Variants in FAM47E observed in about 807,000 individuals in gnomAD.
FAM47E encodes the protein family with sequence similarity 47 member E.
FAM47E carries 32 observed loss-of-function variants against 41.6 expected under a neutral mutation model. The ratio of observed to expected loss-of-function variants is 0.77; its 90% CI spans 0.58 to 1.03. The LOEUF (loss-of-function observed/expected upper bound fraction) is 1.03, where lower values mean the gene tolerates loss of function less well. Ranked by LOEUF, FAM47E falls within the 50% of genes least tolerant of loss-of-function variation. The pLI is 0.00. For missense variants in FAM47E, 424 were observed against 485.4 expected, an observed-to-expected ratio of 0.87 and a Z score of 1.19; for synonymous variants, 184 against 188.7, an observed-to-expected ratio of 0.98 and a Z score of 0.20.
intron 2 of FAM47E, among the ~76,000 whole-genome samples, chr4:76,223,235 TA>T (rs1733340181): frequency 6.6e-6 from 1 of 152,184 alleles, no homozygotes; most frequent in African/African-American, 2.4e-5. Context: ...GCAAGTGGCT[TA>T]ACCAAGTGTT....
intron 2 of FAM47E, among the ~76,000 whole-genome samples, chr4:76,219,233 G>C (rs1331720860): frequency 3.3e-5 from 5 of 152,252 alleles, no homozygotes; most frequent in African/African-American, 1.2e-4. Flanking sequence ...GTTGGAATTA[G>C]TGTGTGTGGG....
chr4:76,233,183 C>T (rs999665539), intron 2 of FAM47E, among the ~76,000 whole-genome samples: 1 of 152,148 alleles, frequency 6.6e-6, no homozygotes, highest in East Asian at 1.9e-4. Flanking sequence ...GAATTTTTAA[C>T]GTTAATTTAA....
chr4:76,230,136 G>A (rs1733468445), intron 2 of FAM47E, among the ~76,000 whole-genome samples: 1 of 152,136 alleles, frequency 6.6e-6, no homozygotes, highest in African/African-American at 2.4e-5. Context: ...GATGGGTAGA[G>A]AAAAACCATG....
rs111990618 is a variant in FAM47E at position 76,216,706 on chromosome 4, G to T, written c.-29-873G>T. On this transcript the variant is annotated intron_variant, in intron 1 of 7. Coordinates refer to the FAM47E transcript ENST00000510197. ...TCTCACTCTGTTTCCACTATGTCAG[G>T]CGGTTAGTAAGCCACTTCCCCTTTA... is the stretch of plus-strand genomic sequence containing the variant. Among the ~76,000 whole-genome samples, 706 of 152,252 alleles carry T rather than the reference G, an allele frequency of 4.6e-3. 9 individuals carry two copies. The highest frequency in any genetic ancestry group is 0.016 in the African/African-American group (680 of 41,530).
At chr4:76,244,992 G>T (rs189137325) in intron 2 of FAM47E, among the ~76,000 whole-genome samples, 1 of 152,070 alleles carries the variant, frequency 6.6e-6, no homozygotes, top group Non-Finnish European at 1.5e-5. Flanking sequence ...TAATCATGTT[G>T]CTGAGTATCT....
At chr4:76,239,712 A>G (rs1198293808) in intron 2 of FAM47E, among the ~76,000 whole-genome samples, 1 of 152,110 alleles carries the variant, frequency 6.6e-6, no homozygotes, top group Non-Finnish European at 1.5e-5. Flanking sequence ...CTTTTGATGC[A>G]CAAAATTTTA....
At chr4:76,248,055 C>T (rs919948741), upstream of FAM47E, among the ~76,000 whole-genome samples, 1 of 151,474 alleles carries the variant, frequency 6.6e-6, no homozygotes, top group African/African-American at 2.4e-5. Flanking sequence ...GCTGGGACTA[C>T]AGGCGCCCAC....
At chr4:76,230,844 C>T (rs887425228) in intron 2 of FAM47E, among the ~76,000 whole-genome samples, 48 of 152,304 alleles carry the variant, frequency 3.2e-4, no homozygotes, top group Middle Eastern at 6.8e-3. Context: ...CCCTAGACCT[C>T]ATTTATGCCA....
At chr4:76,254,375 G>A (rs150929608) in intron 1 of FAM47E, among the ~76,000 whole-genome samples, 1 of 152,104 alleles carries the variant, frequency 6.6e-6, no homozygotes, top group African/African-American at 2.4e-5. Flanking sequence ...AATATGGAGG[G>A]TTACTTACTA....
chr4:76,253,727 C>A (rs1267464345), intron 1 of FAM47E, among the ~76,000 whole-genome samples: 3 of 151,550 alleles, frequency 2.0e-5, no homozygotes, highest in Non-Finnish European at 4.4e-5. Context: ...TTACTTGAGT[C>A]TGAGAGGCAG....
intron 1 of FAM47E, among the ~76,000 whole-genome samples, chr4:76,255,102 G>A (rs888430918): frequency 1.3e-5 from 2 of 152,062 alleles, no homozygotes; most frequent in Non-Finnish European, 2.9e-5. Flanking sequence ...GAAAAATCTG[G>A]CTTTTCAAGA....
intron 1 of FAM47E, 36 bp downstream of exon 1, chr4:76,251,856 ACGCGGGCCG>A: frequency 7.3e-7 from 1 of 1,372,952 alleles, no homozygotes; most frequent in Non-Finnish European, 9.4e-7. Context: ...GGCGCATCCC[ACGCGGGCCG>A]CGCGGGGGCG....
At chr4:76,242,390 C>A (rs2109992706) in intron 2 of FAM47E, among the ~76,000 whole-genome samples, 1 of 152,344 alleles carries the variant, frequency 6.6e-6, no homozygotes, top group Admixed American at 6.5e-5. Flanking sequence ...TCTACCATGA[C>A]TGTAAGCTTC....
intron 6 of FAM47E, chr4:76,278,572 G>C (rs1735223609): frequency 3.1e-6 from 1 of 324,242 alleles, no homozygotes; most frequent in South Asian, 1.6e-4. Flanking sequence ...GCTGTCATGA[G>C]TTATCTTTGG....
chr4:76,239,406 T>G (rs930221601), intron 2 of FAM47E, among the ~76,000 whole-genome samples: 1 of 152,158 alleles, frequency 6.6e-6, no homozygotes, highest in African/African-American at 2.4e-5. Flanking sequence ...AATTATTATT[T>G]TTTAAATAGT....
chr4:76,276,975 T>C (rs1735145712), intron 5 of FAM47E, among the ~76,000 whole-genome samples: 2 of 152,176 alleles, frequency 1.3e-5, no homozygotes, highest in Non-Finnish European at 2.9e-5. Context: ...TAAATGTGCA[T>C]GAGAGGAGAC....
intron 1 of FAM47E, among the ~76,000 whole-genome samples, chr4:76,216,456 A>G (rs866832167): frequency 1.1e-4 from 17 of 152,294 alleles, no homozygotes; most frequent in Non-Finnish European, 2.1e-4. Flanking sequence ...GGCAAACTCC[A>G]TAGGTACCCA....
At chr4:76,229,144 G>A (rs886314177) in intron 2 of FAM47E, among the ~76,000 whole-genome samples, 1 of 152,018 alleles carries the variant, frequency 6.6e-6, no homozygotes, top group African/African-American at 2.4e-5. Context: ...TTTTCTAAGT[G>A]TGCACTTTAT....
Position 76,267,419 on chromosome 4 carries a change from T to TGA in FAM47E, c.561-1236_561-1235dup, listed in dbSNP as rs765901875. ...AGGGAGCAGCATGAATTCACAGAAC[T>TGA]GAGAGAAGGCCACATTGGCTGGAGC... On this transcript the variant is annotated intron_variant, in intron 3 of 7. Coordinates refer to ENST00000424749, the MANE Select transcript of FAM47E (RefSeq NM_001136570.3). The TGA allele has an allele frequency of 4.7e-4, 71 of 152,342 alleles. 1 individual carries two copies. The highest frequency in any genetic ancestry group is 7.5e-4 in the Non-Finnish European group (51 of 68,104). 9.4% of individuals were successfully genotyped at this position (152,342 alleles called of 1,614,324 possible). A position where few individuals can be genotyped will look rare whatever the true frequency, so the allele number is the denominator to read the frequency against.
Sources: allele counts gnomAD v4.1 joint callset (sites outside exome capture counted in the v4.1 genomes callset), GRCh38; gene constraint gnomAD v4.1.1; transcripts MANE v1.5; gene names NCBI Gene and HGNC (gene_info 2026-07-23, HGNC 2026-07-21).